Variants in NAT10 observed in about 807,000 individuals in gnomAD.
The protein encoded by NAT10 is RNA cytidine acetyltransferase.
Under a neutral mutation model 132.2 loss-of-function variants are expected in NAT10, and 109 were observed. The ratio of observed to expected loss-of-function variants is 0.82; its 90% CI spans 0.71 to 0.97. The LOEUF (loss-of-function observed/expected upper bound fraction) is 0.97, where lower values mean the gene tolerates loss of function less well. NAT10 is among the 50% of genes least tolerant of loss of function. The pLI is 0.00. For missense variants in NAT10, 1,184 were observed against 1,263.4 expected (o/e 0.94, Z 0.95); for synonymous variants, 479 against 478.0 (o/e 1.00, Z -0.03).
intron 8 of NAT10, among the ~76,000 whole-genome samples, chr11:34,122,010 T>C (rs1343255283): frequency 6.6e-6 from 1 of 151,828 alleles, no homozygotes. Context: ...ACCCTGTCTC[T>C]ACTAAAAATA....
At chr11:34,127,046 G>T (rs936100487) in intron 11 of NAT10, among the ~76,000 whole-genome samples, 18 of 152,146 alleles carry the variant, frequency 1.2e-4, no homozygotes, top group African/African-American at 3.4e-4. Context: ...CTTATCTGAG[G>T]CTGGGGGAAA....
At chr11:34,129,745 A>C (rs961003166) in intron 12 of NAT10, among the ~76,000 whole-genome samples, 2 of 150,784 alleles carry the variant, frequency 1.3e-5, no homozygotes, top group Non-Finnish European at 2.9e-5. Flanking sequence ...AGTAGCTGGG[A>C]TTACAGGTGT....
At chr11:34,126,070 G>T (rs1851986287) in intron 11 of NAT10, among the ~76,000 whole-genome samples, 1 of 152,226 alleles carries the variant, frequency 6.6e-6, no homozygotes, top group Non-Finnish European at 1.5e-5. Context: ...TAATGAAATA[G>T]TTCAAATGTA....
chr11:34,107,685 T>C (rs978622994), intron 1 of NAT10, among the ~76,000 whole-genome samples: 5 of 152,236 alleles, frequency 3.3e-5, no homozygotes, highest in Non-Finnish European at 7.3e-5. Context: ...CCCAGCCCTT[T>C]GGGAGGCTGA....
At chr11:34,121,858 CAAAAAAAAAAAAAAA>C (rs34304264) in intron 8 of NAT10, among the ~76,000 whole-genome samples, 1 of 36,830 alleles carries the variant, frequency 2.7e-5, no homozygotes, top group East Asian at 9.4e-4. Flanking sequence ...GACTCTGTCT[CAAAAAAAAAAAAAAA>C]AAAAAAAAAG....
At chr11:34,141,024 TGG>T (rs1457873757) in intron 24 of NAT10, 63 bp from the exon 25 acceptor site, 2 of 1,607,510 alleles carry the variant, frequency 1.2e-6, no homozygotes, top group East Asian at 4.5e-5. Flanking sequence ...CTCTGGTTCT[TGG>T]CGCCATTTTA....
chr11:34,113,913 G>A (rs1165189266), intron 5 of NAT10, 75 bp downstream of exon 5: 2 of 1,563,986 alleles, frequency 1.3e-6, no homozygotes, highest in East Asian at 4.6e-5. Flanking sequence ...TTTCTTTAAA[G>A]AATTCCTGTT....
chr11:34,118,426 C>A lies in NAT10; in HGVS notation c.703C>A (p.Leu235Met). 2 of 1,614,124 alleles carry A rather than the reference C, an allele frequency of 1.2e-6. No individual in the cohort carries two copies. Among genetic ancestry groups the A allele is most frequent in the Non-Finnish European group, 1.7e-6 (2 of 1,180,016 alleles). The change falls in exon 8 of 29, where the codon CTG becomes ATG. Residue 235 changes from leucine (L) to methionine (M), a missense_variant. Physicochemically the swap from Leu to Met is conservative, Grantham distance 15. Coordinates refer to ENST00000257829, the MANE Select transcript of NAT10 (RefSeq NM_024662.3). ...GAGTCTTGGTCCTTCTGATCTGGAG[C>A]TGAGGGAGTTGAAGGAGAGCTTGCA... ...DESLGPSDLE[L>M]RELKESLQDT...
rs1379437127 is a variant in NAT10 at position 34,113,716 on chromosome 11, G to A, written c.373G>A (p.Asp125Asn). The A allele has an allele frequency of 4.3e-6, 7 of 1,611,316 alleles. No homozygotes were observed. Among genetic ancestry groups the A allele is most frequent in the Non-Finnish European group, 5.9e-6 (7 of 1,178,924 alleles). ...GNTFGMCVLQ[D>N]FEALTPNLLA... ...CCTTTCTAACGCCCCCTTCTTCCAG[G>A]ATTTTGAAGCCTTAACTCCAAACTT... is the stretch of plus-strand genomic sequence containing the variant. Residue 125 changes from aspartate (D) to asparagine (N), a missense_variant and splice_region_variant, in exon 5 of 29, where the codon GAT (aspartate) becomes AAT (asparagine). By Grantham distance (23) the Asp-to-Asn change is conservative (BLOSUM62 1). Coordinates refer to ENST00000257829, the MANE Select transcript of NAT10 (RefSeq NM_024662.3).
intron 18 of NAT10, 121 bp from the exon 19 acceptor site, chr11:34,135,054 T>C: frequency 1.3e-6 from 1 of 746,450 alleles, no homozygotes; most frequent in Non-Finnish European, 2.3e-6. Context: ...ATTGGTTCTC[T>C]TGCCCCGTGC....
intron 6 of NAT10, 104 bp downstream of exon 6, chr11:34,115,988 C>T: frequency 1.0e-6 from 1 of 1,000,504 alleles, no homozygotes; most frequent in Non-Finnish European, 1.5e-6. Flanking sequence ...GAAAGTAGTA[C>T]AATATTCCAA....
At chr11:34,114,817 GTTATTA>G (rs922367198) in intron 5 of NAT10, among the ~76,000 whole-genome samples, 17 of 152,228 alleles carry the variant, frequency 1.1e-4, no homozygotes, top group East Asian at 1.9e-4. Context: ...ATGACCTAAA[GTTATTA>G]TTATTATTTG....
At chr11:34,133,500 G>C (rs1426741180) in intron 16 of NAT10, among the ~76,000 whole-genome samples, 4 of 152,162 alleles carry the variant, frequency 2.6e-5, no homozygotes, top group African/African-American at 7.2e-5. Flanking sequence ...TTAATGCCTA[G>C]CATGGATGTA....
At chr11:34,120,054 T>C (rs951573894) in intron 8 of NAT10, among the ~76,000 whole-genome samples, 3 of 152,138 alleles carry the variant, frequency 2.0e-5, no homozygotes, top group Non-Finnish European at 4.4e-5. Flanking sequence ...TTTTAATTTG[T>C]GTTGCTGCTT....
intron 1 of NAT10, 132 bp from the exon 2 acceptor site, chr11:34,108,079 G>A (rs956020669): frequency 2.7e-5 from 16 of 591,468 alleles, no homozygotes; most frequent in East Asian, 2.6e-4. Context: ...TTCCTGTGGA[G>A]CTCGTAGAGG....
Position 34,118,609 on chromosome 11 carries a change from G to A in NAT10, c.780+106G>A, listed in dbSNP as rs1009659947. The stretch of plus-strand genomic sequence containing the variant: ...ACTCAAGACCCAGACCCTCCCTGGA[G>A]AAGGGGACTTTTCCCCTTGCTCATA... On this transcript the variant is annotated intron_variant, in intron 8 of 28. Coordinates refer to ENST00000257829, the MANE Select transcript of NAT10 (RefSeq NM_024662.3). 1.1e-5 allele frequency: 9 copies of A among 806,890 alleles called. No individual in the cohort carries two copies. In the African/African-American group the frequency reaches 1.6e-4, roughly 14 times the overall value. 50.0% of individuals were successfully genotyped at this position (806,890 alleles called of 1,614,324 possible).
chr11:34,123,586 T>A (rs1851933451), intron 9 of NAT10, among the ~76,000 whole-genome samples, 176 bp from the exon 10 acceptor site: 1 of 152,266 alleles, frequency 6.6e-6, no homozygotes, highest in Non-Finnish European at 1.5e-5. Flanking sequence ...TGTTGGTAGC[T>A]AAATGTCTGG....
At chr11:34,106,704 C>T (rs1851600085) in intron 1 of NAT10, among the ~76,000 whole-genome samples, 1 of 152,204 alleles carries the variant, frequency 6.6e-6, no homozygotes, top group South Asian at 2.1e-4. Context: ...AGTGTGAATT[C>T]TGTCTGTCGT....
intron 21 of NAT10, 171 bp from the exon 22 acceptor site, chr11:34,139,020 G>C: frequency 1.7e-6 from 1 of 597,574 alleles, no homozygotes; most frequent in South Asian, 2.0e-5. Flanking sequence ...GGTGATATGA[G>C]GAAGGTGAAG....
Sources: allele counts gnomAD v4.1 joint callset (sites outside exome capture counted in the v4.1 genomes callset), GRCh38; gene constraint gnomAD v4.1.1; transcripts MANE v1.5; gene names NCBI Gene and HGNC (gene_info 2026-07-23, HGNC 2026-07-21).